The following CA4 variants were observed in gnomAD, a reference collection of about 807,000 sequenced individuals.
The protein encoded by CA4 is carbonic anhydrase 4, also known as CA-IV.
CA4 carries 24 observed loss-of-function variants against 34.5 expected under a neutral mutation model. The ratio of observed to expected loss-of-function variants is 0.70; its 90% CI spans 0.50 to 0.98. CA4 has a LOEUF of 0.98. Among genes scored for constraint, CA4 ranks in the 50% least tolerant of loss-of-function variants. The probability of loss-of-function intolerance (pLI) is 0.00; values close to 1 mark genes in which losing one functional copy is unlikely to be tolerated. For missense variants in CA4, 394 were observed against 396.7 expected, an observed-to-expected ratio of 0.99 and a Z score of 0.06; for synonymous variants, 178 against 170.6, an observed-to-expected ratio of 1.04 and a Z score of -0.34.
chr17:60,156,677 A>G lies in CA4; in HGVS notation c.230A>G (p.Lys77Arg). ...CGCTTCTTCTTCTCTGGCTACGATA[A>G]GAAGCAAACGTGGACTGTCCAAAAT... ...LGRFFFSGYD[K>R]KQTWTVQNNG... The change falls in exon 3 of 8, where the codon AAG becomes AGG. Residue 77 changes from lysine (K) to arginine (R), a missense_variant. Physicochemically the swap from Lys to Arg is conservative, Grantham distance 26. Coordinates refer to ENST00000300900, the MANE Select transcript of CA4 (RefSeq NM_000717.5). 1.2e-5 allele frequency: 20 copies of G among 1,614,174 alleles called. No homozygotes were observed. Among genetic ancestry groups the G allele is most frequent in the Non-Finnish European group, 1.7e-5 (20 of 1,180,018 alleles).
At chr17:60,175,209 T>C (rs1274692905), downstream of CA4, among the ~76,000 whole-genome samples, 2 of 149,930 alleles carry the variant, frequency 1.3e-5, no homozygotes, top group East Asian at 3.9e-4. Context: ...TTTTTTTTTT[T>C]AGTAGAAATG....
chr17:60,171,078 T>C (rs545768121), downstream of CA4, among the ~76,000 whole-genome samples: 299 of 152,338 alleles, frequency 2.0e-3, 1 homozygote, highest in Non-Finnish European at 3.4e-3. Context: ...CATTTACGAA[T>C]CACGAGTGAA....
At position 60,157,473 on chromosome 17, in the gene CA4, G is replaced by A; in HGVS notation, c.315G>A (p.Leu105=). The A allele has an allele frequency of 6.2e-7, 1 of 1,614,164 alleles. No individual in the cohort carries two copies. The highest frequency in any genetic ancestry group is 8.5e-7 in the Non-Finnish European group (1 of 1,179,988). The change falls in exon 4 of 8, where the codon CTG becomes CTA. Residue 105 remains leucine (L), a synonymous_variant. Coordinates refer to ENST00000300900, the MANE Select transcript of CA4 (RefSeq NM_000717.5). ...ENKASISGGG[L]PAPYQAKQLH... ...AGGCCAGCATTTCTGGAGGAGGACT[G>A]CCTGCCCCATACCAGGCCAAACAGT...
Position 60,156,711 on chromosome 17 carries a change from C to A in CA4, c.264C>A (p.His88Gln). The change falls in exon 3 of 8, where the codon CAC becomes CAA. Residue 88 changes from histidine (H) to glutamine (Q), a missense_variant. Transcript: ENST00000300900. ...CGTGGACTGTCCAAAATAACGGGCA[C>A]TCAGGTGGGCTGGATGGAGGCCCCA... The part of the protein sequence containing the change: ...KQTWTVQNNG[H>Q]SVMMLLENKA... The A allele has an allele frequency of 6.2e-7, 1 of 1,614,050 alleles. No homozygotes were observed. The highest frequency in any genetic ancestry group is 8.5e-7 in the Non-Finnish European group (1 of 1,179,912).
chr17:60,155,570 C>T (rs2145265513), intron 2 of CA4, among the ~76,000 whole-genome samples: 1 of 151,534 alleles, frequency 6.6e-6, no homozygotes, highest in South Asian at 2.1e-4. Flanking sequence ...TATACAAACA[C>T]ACACACTCAC....
Position 60,158,274 on chromosome 17 carries a change from CT to C in CA4, c.581-8del. ...CCCTCACTGACAGTGTCCTCTGCCC[CT>C]ATCTCAGAGATGAGCACTACGATGG... is the stretch of plus-strand genomic sequence containing the variant. On this transcript the variant is annotated splice_region_variant and splice_polypyrimidine_tract_variant and intron_variant, in intron 6 of 7. Transcript: ENST00000300900. 2 of 1,614,054 alleles carry C rather than the reference CT, an allele frequency of 1.2e-6. No individual in the cohort carries two copies. Among genetic ancestry groups the C allele is most frequent in the South Asian group, 1.1e-5 (1 of 91,078 alleles).
exon 6 of CA4, chr17:60,170,706 A>G (rs1287000050): frequency 6.6e-6 from 1 of 152,276 alleles, no homozygotes; most frequent in Non-Finnish European, 1.5e-5. Flanking sequence ...ACGTAACAAC[A>G]CACTGCATTT....
rs924931302 is a variant in CA4 at position 60,158,904 on chromosome 17, C to A, written c.745-326C>A. The A allele has an allele frequency of 1.3e-5, 6 of 445,364 alleles. No homozygotes were observed. In the East Asian group the frequency reaches 2.7e-4, roughly 20 times the overall value. The allele number at this position is 445,364 out of a possible 1,614,324, so 27.6% of individuals were successfully genotyped here. A position where few individuals can be genotyped will look rare whatever the true frequency, so the allele number is the denominator to read the frequency against. ...TGGAGCCCAGGCATCTGGGGCCCAACAAGCCCGCCCCCCAGCTGATGCTAA... is the reference window on the plus strand; with the variant it reads ...TGGAGCCCAGGCATCTGGGGCCCAAAAAGCCCGCCCCCCAGCTGATGCTAA... On this transcript the variant is annotated intron_variant, in intron 7 of 7. Transcript: ENST00000300900.
rs1445692807 is a variant in CA4, at chr17:60,157,949, G to A, written c.514-112G>A. On this transcript the variant is annotated intron_variant, in intron 5 of 7. Transcript: ENST00000300900. ...GTCCCCGGGCCAGGTGGGGAGCCCA[G>A]AGCCTCAATCCCAGAAGCTGCCTGG... 1.9e-6 allele frequency: 3 copies of A among 1,559,072 alleles called. No individual in the cohort carries two copies. In the East Asian group the frequency reaches 7.2e-5, roughly 38 times the overall value.
downstream of CA4, among the ~76,000 whole-genome samples, chr17:60,173,012 T>A (rs976753429): frequency 2.0e-5 from 3 of 151,546 alleles, no homozygotes; most frequent in African/African-American, 4.9e-5. Flanking sequence ...GTGTGGTGGC[T>A]CATGCCTGTA....
downstream of CA4, among the ~76,000 whole-genome samples, chr17:60,175,189 A>ACTTTTTTTTTTTT (rs2083947008): frequency 3.7e-5 from 4 of 107,690 alleles, no homozygotes; most frequent in Non-Finnish European, 5.2e-5. Flanking sequence ...CACCCAGCTG[A>ACTTTTTTTTTTTT]TTTTTTTTTT....
chr17:60,155,082 G>A (rs977524333), intron 1 of CA4, among the ~76,000 whole-genome samples: 1 of 152,168 alleles, frequency 6.6e-6, no homozygotes, highest in African/African-American at 2.4e-5. Context: ...TGGCTGCTTG[G>A]CCTGGCCCTG....
rs66850461 is a variant in CA4 at position 60,150,654 on chromosome 17, TAAAAAAAAAAAAAAAAAA to T, written c.58+581_58+598del. On this transcript the variant is annotated intron_variant, in intron 1 of 7. Transcript: ENST00000300900. ...CTGCACTCCAGCCTGGTGCTCCGTT[TAAAAAAAAAAAAAAAAAA>T]AAAAAAAAAAAAAAAAAAGGATGCT... Among the ~76,000 whole-genome samples, 39 of 33,910 alleles carry T rather than the reference TAAAAAAAAAAAAAAAAAA, an allele frequency of 1.2e-3. 2 individuals are homozygous for T. In the South Asian group the frequency reaches 0.018, roughly 16 times the overall value. 22.2% of individuals were successfully genotyped at this position (33,910 alleles called of 152,430 possible).
chr17:60,162,994 G>A (rs2083810391), downstream of CA4, among the ~76,000 whole-genome samples: 1 of 152,184 alleles, frequency 6.6e-6, no homozygotes, highest in African/African-American at 2.4e-5. Context: ...TTGGCCCCCT[G>A]TTTAGATTCA....
At chr17:60,176,204 G>A in the CA4 span, among the ~76,000 whole-genome samples, 2 of 152,008 alleles carry the variant, frequency 1.3e-5, no homozygotes, top group Admixed American at 1.3e-4. Context: ...ATAGCAAGGA[G>A]GTAAAAAAAC....
chr17:60,172,866 G>A (rs1003203717), downstream of CA4, among the ~76,000 whole-genome samples: 6 of 143,190 alleles, frequency 4.2e-5, no homozygotes, highest in African/African-American at 1.3e-4. Context: ...AAAATAGGCC[G>A]GGCACAGTGG....
At chr17:60,166,614 A>T (rs2083857984) in intron 5 of CA4, among the ~76,000 whole-genome samples, 1 of 152,200 alleles carries the variant, frequency 6.6e-6, no homozygotes, top group Admixed American at 6.5e-5. Flanking sequence ...TATTTTCTTC[A>T]TTTTCAGATG....
downstream of CA4, among the ~76,000 whole-genome samples, chr17:60,163,041 C>T (rs892612742): frequency 2.0e-5 from 3 of 152,172 alleles, no homozygotes; most frequent in African/African-American, 7.2e-5. Flanking sequence ...AAATATTCCT[C>T]ATGTGTTTAG....
At chr17:60,173,650 G>A (rs2083932565), downstream of CA4, among the ~76,000 whole-genome samples, 1 of 152,176 alleles carries the variant, frequency 6.6e-6, no homozygotes, top group African/African-American at 2.4e-5. Flanking sequence ...AATGAGACTG[G>A]AAATAATGAT....
Sources: allele counts gnomAD v4.1 joint callset (sites outside exome capture counted in the v4.1 genomes callset), GRCh38; gene constraint gnomAD v4.1.1; transcripts MANE v1.5; gene names NCBI Gene and HGNC (gene_info 2026-07-23, HGNC 2026-07-21).